PCDH7: variants seen among roughly 807,000 people sequenced by gnomAD.
The protein encoded by PCDH7 is protocadherin-7.
A neutral mutation model predicts 58.9 loss-of-function variants in PCDH7; 17 were observed. That is an observed-to-expected ratio of 0.29 (90% CI 0.20 to 0.43). The LOEUF is 0.43. PCDH7 is among the 20% of genes least tolerant of loss of function. PCDH7 has a pLI of 1.00. For synonymous variants in PCDH7, 664 were observed against 616.4 expected, an observed-to-expected ratio of 1.08 and a Z score of -1.14; for missense variants, 1,274 against 1,441.0, an observed-to-expected ratio of 0.88 and a Z score of 1.88.
chr4:30,849,054 T>C (rs1254498907), intron 1 of PCDH7, among the ~76,000 whole-genome samples: 5 of 152,172 alleles, frequency 3.3e-5, no homozygotes, highest in Non-Finnish European at 7.4e-5. Flanking sequence ...CCTTTAACAT[T>C]CCATTCTAAC....
chr4:30,810,286 C>T (rs1398451928), intron 1 of PCDH7, among the ~76,000 whole-genome samples: 3 of 151,956 alleles, frequency 2.0e-5, no homozygotes, highest in East Asian at 1.9e-4. Flanking sequence ...CCATAATAAA[C>T]GTTTATTACA....
chr4:30,791,789 C>T (rs1232637539), intron 1 of PCDH7, among the ~76,000 whole-genome samples: 3 of 152,050 alleles, frequency 2.0e-5, no homozygotes, highest in Non-Finnish European at 2.9e-5. Context: ...TGTCACAAAC[C>T]GATGATGAAA....
At chr4:31,102,547 ACT>A (rs931896336) in intron 3 of PCDH7, among the ~76,000 whole-genome samples, 7 of 152,130 alleles carry the variant, frequency 4.6e-5, no homozygotes, top group African/African-American at 1.7e-4. Context: ...ACATGGCGAA[ACT>A]CTGTCTCTAC....
intron 3 of PCDH7, among the ~76,000 whole-genome samples, chr4:31,132,725 A>C (rs1396903371): frequency 6.6e-6 from 1 of 152,180 alleles, no homozygotes; most frequent in Non-Finnish European, 1.5e-5. Context: ...CCCCATTTGC[A>C]TCATTATTGT....
intron 1 of PCDH7, among the ~76,000 whole-genome samples, chr4:30,880,333 C>T (rs1347823256): frequency 6.7e-6 from 1 of 149,954 alleles, no homozygotes; most frequent in African/African-American, 2.4e-5. Flanking sequence ...GTCCATATTA[C>T]AAAGGACTCC....
At position 30,722,917 on chromosome 4, in the gene PCDH7, C is replaced by T; in HGVS notation, c.1495C>T (p.Arg499Trp). ...GACCCCTCTGGACTATGAGGCCACC[C>T]GGGAGTTCAACGTGGTCATCGTGGC... The change falls in exon 1 of 2, where the codon CGG becomes TGG. Residue 499 changes from arginine to tryptophan, a missense_variant. Coordinates refer to ENST00000361762, the Ensembl canonical transcript of PCDH7. This position sits in a 1 kb window ranked among gnomAD's most constrained non-coding sequence, Gnocchi z 7.6. 6.2e-7 allele frequency: 1 copy of T among 1,613,742 alleles called. No homozygotes were observed. The highest frequency in any genetic ancestry group is 8.5e-7 in the Non-Finnish European group (1 of 1,180,020).
At chr4:31,003,068 A>T (rs1752480601) in intron 3 of PCDH7, among the ~76,000 whole-genome samples, 1 of 152,254 alleles carries the variant, frequency 6.6e-6, no homozygotes, top group Non-Finnish European at 1.5e-5. Context: ...CTGAAAAGGC[A>T]CAGTTAGTCT....
At chr4:31,068,208 T>C (rs1485235963) in intron 3 of PCDH7, among the ~76,000 whole-genome samples, 1 of 151,568 alleles carries the variant, frequency 6.6e-6, no homozygotes, top group African/African-American at 2.4e-5. Flanking sequence ...AAAGAGAAAG[T>C]AGATAATACA....
At chr4:30,790,238 C>T (rs1723938380) in intron 1 of PCDH7, among the ~76,000 whole-genome samples, 4 of 152,062 alleles carry the variant, frequency 2.6e-5, no homozygotes, top group Admixed American at 2.6e-4. Flanking sequence ...TCTGTAGAGG[C>T]GATATATTCA....
At chr4:31,078,499 G>A (rs1354425066) in intron 3 of PCDH7, among the ~76,000 whole-genome samples, 1 of 113,526 alleles carries the variant, frequency 8.8e-6, no homozygotes, top group East Asian at 2.2e-4. Flanking sequence ...TTTTTTTTTT[G>A]GTTTCCAGAG....
At chr4:31,117,125 A>G (rs900294140) in intron 3 of PCDH7, among the ~76,000 whole-genome samples, 1 of 152,068 alleles carries the variant, frequency 6.6e-6, no homozygotes, top group Admixed American at 6.6e-5. Context: ...CAAGTGATCC[A>G]CCTGCCCCGA....
chr4:31,031,384 C>T (rs1420367450), intron 3 of PCDH7, among the ~76,000 whole-genome samples: 2 of 152,070 alleles, frequency 1.3e-5, no homozygotes, highest in African/African-American at 2.4e-5. Flanking sequence ...TCAATACTGT[C>T]GATCTTGGAA....
At chr4:31,124,459 G>A (rs2095648059) in intron 3 of PCDH7, among the ~76,000 whole-genome samples, 1 of 152,138 alleles carries the variant, frequency 6.6e-6, no homozygotes, top group African/African-American at 2.4e-5. Context: ...AATCACAAGT[G>A]AAAGTGAAAG....
chr4:31,090,769 T>A (rs1028850600), intron 3 of PCDH7, among the ~76,000 whole-genome samples: 2 of 152,086 alleles, frequency 1.3e-5, no homozygotes, highest in Non-Finnish European at 2.9e-5. Flanking sequence ...TAGTATTTTT[T>A]AAAGATATTT....
intron 1 of PCDH7, chr4:30,786,796 C>A: frequency 1.0e-6 from 1 of 970,560 alleles, no homozygotes; most frequent in East Asian, 1.1e-4. Flanking sequence ...TGTATGTGCT[C>A]GTAAGTGAAA....
At chr4:30,768,748 C>T (rs1439239051) in intron 1 of PCDH7, among the ~76,000 whole-genome samples, 1 of 152,164 alleles carries the variant, frequency 6.6e-6, no homozygotes, top group Non-Finnish European at 1.5e-5. Flanking sequence ...TATTATCTTG[C>T]TATTTCCTAC....
intron 1 of PCDH7, among the ~76,000 whole-genome samples, chr4:30,861,686 G>A (rs1294315523): frequency 3.9e-5 from 6 of 152,096 alleles, no homozygotes; most frequent in Admixed American, 3.9e-4. Context: ...AGGAAGCTTT[G>A]CTTTTGTTGT....
At chr4:30,893,382 G>T (rs1738868163) in intron 1 of PCDH7, among the ~76,000 whole-genome samples, 1 of 152,074 alleles carries the variant, frequency 6.6e-6, no homozygotes, top group Admixed American at 6.6e-5. Flanking sequence ...AGAAGTTACA[G>T]AACTATATAT....
intron 3 of PCDH7, among the ~76,000 whole-genome samples, chr4:31,053,180 C>G (rs1578665365): frequency 1.3e-5 from 2 of 152,046 alleles, no homozygotes. Context: ...TACCTCGCCT[C>G]ACTTCCAGAG....
Sources: gnomAD v4.1 joint callset for allele counts (sites outside exome capture counted in the v4.1 genomes callset) on GRCh38, gnomAD v4.1.1 for gene constraint, Gnocchi (gnomAD v3.1) non-coding constraint, MANE v1.5 for transcripts, NCBI Gene and HGNC (gene_info 2026-07-23, HGNC 2026-07-21) for gene names.